The following CDH13 variants were observed in gnomAD, a reference collection of about 807,000 sequenced individuals.
The protein encoded by CDH13 is cadherin 13.
A neutral mutation model predicts 63.8 loss-of-function variants in CDH13; 24 were observed. That is an observed-to-expected ratio of 0.38 (90% CI 0.27 to 0.53). The LOEUF is 0.53. Ranked by LOEUF, CDH13 falls within the 20% of genes least tolerant of loss-of-function variation. CDH13 has a pLI of 0.85. For synonymous variants in CDH13, 503 were observed against 355.3 expected (o/e 1.42, Z -4.67); for missense variants, 1,049 against 903.1 (o/e 1.16, Z -2.07).
intron 11 of CDH13, among the ~76,000 whole-genome samples, chr16:83,752,425 G>A (rs1913164085): frequency 6.6e-6 from 1 of 152,174 alleles, no homozygotes. Context: ...AAATTTAGTT[G>A]GCTTTCTAAA....
intron 1 of CDH13, among the ~76,000 whole-genome samples, chr16:82,841,363 T>C (rs1463380279): frequency 6.6e-6 from 1 of 152,170 alleles, no homozygotes; most frequent in Non-Finnish European, 1.5e-5. Flanking sequence ...TGGGAGATAC[T>C]AGTGTGGCTG....
In CDH13 at chr16:83,301,401, C is replaced by T. The variant is rs894600916; in HGVS notation, c.637-43461C>T. On this transcript the variant is annotated intron_variant, in intron 5 of 13. Coordinates refer to ENST00000567109, the MANE Select transcript of CDH13 (RefSeq NM_001257.5). ...CTCTACCTCCCTCTCTGTGATTTTC[C>T]ATTTTCAGGCTGTGCCGTGCTGGTT... 3.3e-5 allele frequency among the ~76,000 whole-genome samples: 5 copies of T among 152,218 alleles called. No individual in the cohort carries two copies. In the East Asian group the frequency reaches 9.7e-4, roughly 29 times the overall value.
chr16:82,761,034 T>C (rs1441565547), intron 1 of CDH13, among the ~76,000 whole-genome samples: 1 of 120,578 alleles, frequency 8.3e-6, no homozygotes, highest in Non-Finnish European at 1.8e-5. Context: ...TTTTTTTTTT[T>C]TTTTTTTTTT....
chr16:83,528,490 G>T (rs2075011887), intron 7 of CDH13, among the ~76,000 whole-genome samples: 1 of 152,154 alleles, frequency 6.6e-6, no homozygotes, highest in African/African-American at 2.4e-5. Context: ...CATTCTCAGG[G>T]GTTGAGATAA....
At chr16:83,015,642 C>T (rs1405419595) in intron 2 of CDH13, among the ~76,000 whole-genome samples, 1 of 122,098 alleles carries the variant, frequency 8.2e-6, no homozygotes, top group Non-Finnish European at 1.7e-5. Context: ...CCATATGCTT[C>T]AGCTTGCAGC....
At chr16:83,326,806 T>A (rs1416790370) in intron 5 of CDH13, among the ~76,000 whole-genome samples, 1 of 152,212 alleles carries the variant, frequency 6.6e-6, no homozygotes, top group Admixed American at 6.5e-5. Flanking sequence ...AGAGGTCCTA[T>A]AACAAAGCCA....
chr16:82,982,065 C>T (rs1022583429), intron 2 of CDH13, among the ~76,000 whole-genome samples: 9 of 152,112 alleles, frequency 5.9e-5, no homozygotes, highest in Non-Finnish European at 1.3e-4. Flanking sequence ...GAATCAACTT[C>T]TAGTTTTAGC....
intron 1 of CDH13, among the ~76,000 whole-genome samples, chr16:82,755,134 C>T (rs1008848576): frequency 6.6e-6 from 1 of 152,206 alleles, no homozygotes; most frequent in Non-Finnish European, 1.5e-5. Context: ...GCAGTGTTCT[C>T]TTTGTCCAAA....
intron 2 of CDH13, among the ~76,000 whole-genome samples, chr16:82,992,825 A>C (rs529021681): frequency 6.6e-6 from 1 of 152,358 alleles, no homozygotes; most frequent in East Asian, 1.9e-4. Flanking sequence ...TCAGAGGAAC[A>C]GAAAATCAAT....
chr16:83,197,704 A>G (rs999253972), intron 4 of CDH13, among the ~76,000 whole-genome samples: 6 of 152,020 alleles, frequency 3.9e-5, no homozygotes, highest in Admixed American at 2.0e-4. Flanking sequence ...CTTGTATCTC[A>G]ATGGTGGTGA....
chr16:83,785,773 C>A (rs1915838323), intron 13 of CDH13, among the ~76,000 whole-genome samples: 1 of 152,114 alleles, frequency 6.6e-6, no homozygotes, highest in Admixed American at 6.6e-5. Flanking sequence ...CATACCTGAG[C>A]CCTACCCTAT....
intron 1 of CDH13, among the ~76,000 whole-genome samples, chr16:82,856,331 T>C (rs286684): frequency 0.27 from 38,011 of 142,354 alleles, 5,189 homozygotes; most frequent in Middle Eastern, 0.33. Context: ...GCAGAGATCA[T>C]GCCACTGCAC....
intron 5 of CDH13, among the ~76,000 whole-genome samples, chr16:83,340,305 AGTGT>A (rs147527566): frequency 4.0e-5 from 6 of 150,278 alleles, no homozygotes; most frequent in African/African-American, 7.3e-5. Context: ...CCTACATCTG[AGTGT>A]GTGTGTGTGT....
intron 10 of CDH13, among the ~76,000 whole-genome samples, chr16:83,727,186 C>G (rs1348421662): frequency 6.6e-6 from 1 of 152,028 alleles, no homozygotes; most frequent in Non-Finnish European, 1.5e-5. Context: ...GTGCTTCCTT[C>G]TCCCCACTGC....
At chr16:83,784,432 G>A (rs905930885) in intron 13 of CDH13, among the ~76,000 whole-genome samples, 30 of 152,096 alleles carry the variant, frequency 2.0e-4, no homozygotes, top group Non-Finnish European at 8.8e-5. Flanking sequence ...AGGAGTTCAA[G>A]ACCAGTCTGG....
chr16:83,299,963 C>G (rs1397407111), intron 5 of CDH13, among the ~76,000 whole-genome samples: 1 of 152,172 alleles, frequency 6.6e-6, no homozygotes, highest in East Asian at 1.9e-4. Context: ...CCTGCAAGCT[C>G]ACTTGATTGT....
intron 1 of CDH13, among the ~76,000 whole-genome samples, chr16:82,776,096 G>A (rs1329573178): frequency 6.6e-6 from 1 of 152,130 alleles, no homozygotes; most frequent in Non-Finnish European, 1.5e-5. Flanking sequence ...TATAATCCCA[G>A]CTACTTGGGT....
chr16:83,198,613 A>G (rs1357507651), intron 4 of CDH13, among the ~76,000 whole-genome samples: 1 of 152,182 alleles, frequency 6.6e-6, no homozygotes, highest in Non-Finnish European at 1.5e-5. Flanking sequence ...TTGGCGACAT[A>G]TTTCATCCTC....
intron 10 of CDH13, among the ~76,000 whole-genome samples, chr16:83,719,424 C>T (rs914818678): frequency 1.3e-5 from 2 of 151,776 alleles, no homozygotes; most frequent in African/African-American, 4.8e-5. Flanking sequence ...CCACACTCCA[C>T]GTCACTCACC....
Sources: gnomAD v4.1 joint callset for allele counts (sites outside exome capture counted in the v4.1 genomes callset) on GRCh38, gnomAD v4.1.1 for gene constraint, MANE v1.5 for transcripts, NCBI Gene and HGNC (gene_info 2026-07-23, HGNC 2026-07-21) for gene names.